PRAMEF20: variants seen among roughly 807,000 people sequenced by gnomAD.
PRAMEF20 encodes the protein PRAME family member 20.
Under a neutral mutation model 32.4 loss-of-function variants are expected in PRAMEF20, and 27 were observed. That is an observed-to-expected ratio of 0.83 (90% CI 0.61 to 1.15). The LOEUF is 1.15. Ranked by LOEUF, PRAMEF20 falls within the 50% of genes most tolerant of loss-of-function variation. The probability of loss-of-function intolerance (pLI) is 0.00; values close to 1 mark genes in which losing one functional copy is unlikely to be tolerated. For synonymous variants in PRAMEF20, 256 were observed against 235.4 expected (o/e 1.09, Z -0.80); for missense variants, 604 against 584.5 (o/e 1.03, Z -0.34).
At chr1:13,420,338 G>A (rs1641229038) in intron 2 of PRAMEF20, among the ~76,000 whole-genome samples, 1 of 152,116 alleles carries the variant, frequency 6.6e-6, no homozygotes, top group Admixed American at 6.6e-5. Flanking sequence ...AGCCTCCCAA[G>A]TAGCTGGAAT....
At chr1:13,413,470 T>C (rs1365034367), upstream of PRAMEF20, among the ~76,000 whole-genome samples, 1 of 152,084 alleles carries the variant, frequency 6.6e-6, no homozygotes, top group Non-Finnish European at 1.5e-5. Context: ...GTTCAAGTGA[T>C]CCTCCTGCCT....
chr1:13,414,078 G>C (rs1641138175), upstream of PRAMEF20, among the ~76,000 whole-genome samples: 2 of 151,910 alleles, frequency 1.3e-5, no homozygotes, highest in African/African-American at 4.8e-5. Flanking sequence ...CTCTCATTCT[G>C]TTGCCCAGGC....
upstream of PRAMEF20, among the ~76,000 whole-genome samples, chr1:13,412,025 TA>T (rs1641119127): frequency 7.2e-6 from 1 of 138,970 alleles, no homozygotes; most frequent in African/African-American, 2.9e-5. Context: ...GCCTTTAATT[TA>T]ATTTATTTTA....
At chr1:13,418,580 C>T in exon 2 of PRAMEF20, 1 of 1,613,588 alleles carries the variant, frequency 6.2e-7, no homozygotes, top group Non-Finnish European at 8.5e-7. Flanking sequence ...TACATTTCCC[C>T]AGAGCAGAAG....
Position 13,417,676 on chromosome 1 carries a change from A to C in PRAMEF20, c.288-446A>C, listed in dbSNP as rs960305430. The stretch of plus-strand genomic sequence containing the variant: ...GAGAAAAGTCAGAGAGAGGGAAAAG[A>C]AGCAGGGAAGAGAGCAGCTGATATC... On this transcript the variant is annotated intron_variant, in intron 1 of 2. Transcript: ENST00000602960. Among the ~76,000 whole-genome samples the C allele has an allele frequency of 8.4e-4, 127 of 151,662 alleles. 1 individual carries two copies. Among genetic ancestry groups the C allele is most frequent in the African/African-American group, 1.9e-3 (77 of 41,380 alleles).
upstream of PRAMEF20, among the ~76,000 whole-genome samples, chr1:13,414,861 T>G (rs1359447254): frequency 6.6e-6 from 1 of 150,664 alleles, no homozygotes; most frequent in Admixed American, 6.6e-5. Flanking sequence ...GTGGAGTGGC[T>G]CAATCTCAGC....
chr1:13,417,210 T>A (rs941299269), intron 1 of PRAMEF20, among the ~76,000 whole-genome samples: 1 of 152,134 alleles, frequency 6.6e-6, no homozygotes, highest in Non-Finnish European at 1.5e-5. Context: ...CCAGCTTTTA[T>A]TCCCTTATGG....
At chr1:13,421,019 C>T (rs1641236860) in exon 3 of PRAMEF20, 46 of 1,613,844 alleles carry the variant, frequency 2.9e-5, no homozygotes, top group South Asian at 2.3e-4. Flanking sequence ...CCTGGAGAAC[C>T]TGCTGTGCCA....
chr1:13,420,549 C>T (rs888593508), intron 2 of PRAMEF20, 148 bp from the exon 4 acceptor site: 8 of 1,112,310 alleles, frequency 7.2e-6, no homozygotes, highest in African/African-American at 3.1e-5. Context: ...CTTCATCACG[C>T]AGCATCCTAA....
chr1:13,420,933 C>G (rs1641236089), exon 3 of PRAMEF20: 3 of 1,613,654 alleles, frequency 1.9e-6, no homozygotes, highest in Admixed American at 1.7e-5. Context: ...CAAGTCAACG[C>G]CATCCTGCCT....
At chr1:13,418,418 T>C (rs1641206688) in exon 2 of PRAMEF20, 2 of 1,613,858 alleles carry the variant, frequency 1.2e-6, no homozygotes, top group Admixed American at 1.7e-5. Context: ...TTCCACAATA[T>C]CAGAAACATC....
the PRAMEF20 span, among the ~76,000 whole-genome samples, chr1:13,411,186 G>A: frequency 6.4e-4 from 98 of 152,032 alleles, no homozygotes; most frequent in Non-Finnish European, 1.1e-3. Context: ...TAAATTAGCC[G>A]GGCATGGTGG....
upstream of PRAMEF20, among the ~76,000 whole-genome samples, chr1:13,413,864 C>T (rs940142229): frequency 1.3e-5 from 2 of 152,034 alleles, no homozygotes; most frequent in Non-Finnish European, 2.9e-5. Context: ...CAGCCAGTCT[C>T]ATAGTTTCAG....
intron 1 of PRAMEF20, among the ~76,000 whole-genome samples, chr1:13,417,850 T>C (rs1227539088): frequency 6.8e-6 from 1 of 147,592 alleles, no homozygotes; most frequent in Non-Finnish European, 1.5e-5. Context: ...CACATTATTC[T>C]CCTGCCTCAG....
chr1:13,418,732 C>A, intron 2 of PRAMEF20, 32 bp downstream of exon 3: 1 of 1,612,048 alleles, frequency 6.2e-7, no homozygotes, highest in Non-Finnish European at 8.5e-7. Context: ...TCTCTGCAGA[C>A]CACAGCAGAG....
chr1:13,418,661 C>T, exon 2 of PRAMEF20: 1 of 1,613,924 alleles, frequency 6.2e-7, no homozygotes, highest in Non-Finnish European at 8.5e-7. Context: ...TATATGAACT[C>T]TGTTTCTTTC....
At chr1:13,418,232 A>C (rs1641203794) in exon 2 of PRAMEF20, 4 of 1,613,768 alleles carry the variant, frequency 2.5e-6, no homozygotes, top group Non-Finnish European at 3.4e-6. Flanking sequence ...ATGAACAGAA[A>C]ACCACTGCAG....
At chr1:13,421,058 G>A (rs1281010085) in exon 3 of PRAMEF20, 1 of 1,613,806 alleles carries the variant, frequency 6.2e-7, no homozygotes, top group Non-Finnish European at 8.5e-7. Context: ...CTTATGCCTG[G>A]AGCTGTATCC....
upstream of PRAMEF20, among the ~76,000 whole-genome samples, chr1:13,415,898 C>A (rs1181729332): frequency 2.0e-5 from 3 of 151,938 alleles, no homozygotes; most frequent in African/African-American, 4.8e-5. Context: ...GAAAAGAAAA[C>A]AAAACAAATA....
Sources: gnomAD v4.1 joint callset for allele counts (sites outside exome capture counted in the v4.1 genomes callset) on GRCh38, gnomAD v4.1.1 for gene constraint, MANE v1.5 for transcripts, NCBI Gene and HGNC (gene_info 2026-07-23, HGNC 2026-07-21) for gene names.